The following JAG2 variants were observed in gnomAD, a reference collection of about 807,000 sequenced individuals.
JAG2 encodes protein jagged-2.
A neutral mutation model predicts 141.7 loss-of-function variants in JAG2; 46 were observed. The observed-to-expected ratio is 0.32, with a 90% CI of 0.26 to 0.42. The LOEUF (loss-of-function observed/expected upper bound fraction) is 0.42. Ranked by LOEUF, JAG2 falls within the 10% of genes least tolerant of loss-of-function variation. JAG2 has a pLI of 1.00. For missense variants in JAG2, 1,500 were observed against 1,817.5 expected, an observed-to-expected ratio of 0.83 and a Z score of 3.18; for synonymous variants, 862 against 763.5, an observed-to-expected ratio of 1.13 and a Z score of -2.13.
chr14:105,148,085 G>T (rs587597553), intron 17 of JAG2, 31 bp downstream of exon 17: 9 of 1,508,744 alleles, frequency 6.0e-6, no homozygotes, highest in Non-Finnish European at 8.1e-6. Context: ...GCATATGCCC[G>T]GCGGTCGCAG....
At chr14:105,145,467 T>C (rs2140971189) in intron 23 of JAG2, among the ~76,000 whole-genome samples, 1 of 152,286 alleles carries the variant, frequency 6.6e-6, no homozygotes, top group Middle Eastern at 3.4e-3. Context: ...CAGGCAGCCA[T>C]GGCGCCGTCA....
In JAG2 at chr14:105,168,383, A is replaced by AGCCGCCGGGGAAGGC. The variant is rs1555371863; in HGVS notation, c.23_37dup (p.Arg8_Arg12dup). The AGCCGCCGGGGAAGGC allele has an allele frequency of 9.8e-6, 10 of 1,019,328 alleles. No individual in the cohort carries two copies. The East Asian group carries it at 9.6e-4, about 98-fold the overall frequency. The allele number at this position is 1,019,328 out of a possible 1,614,324, so 63.1% of individuals were successfully genotyped here. On this transcript the variant is annotated inframe_insertion, in exon 1 of 26. Coordinates refer to ENST00000331782, the MANE Select transcript of JAG2 (RefSeq NM_002226.5). Reference sequence around the variant, plus strand: ...CACCCAGAGCGCCAGCAGCAGCAGCAGCCGCCGGGGAAGGCGCCCCCGGCC... The same window carrying AGCCGCCGGGGAAGGC: ...CACCCAGAGCGCCAGCAGCAGCAGCAGCCGCCGGGGAAGGCGCCGCCGGGGAAGGCGCCCCCGGCC...
intron 25 of JAG2, 139 bp downstream of exon 25, chr14:105,143,343 G>T (rs1162079051): frequency 2.3e-6 from 3 of 1,282,994 alleles, no homozygotes; most frequent in Non-Finnish European, 2.2e-6. Context: ...AGGTTGTGGG[G>T]CTGGGCGGCT....
intron 3 of JAG2, 26 bp from the exon 4 acceptor site, chr14:105,156,015 A>C (rs1329344197): frequency 1.3e-6 from 2 of 1,596,968 alleles, no homozygotes; most frequent in Non-Finnish European, 1.7e-6. Context: ...GAGTCAGCAC[A>C]GGCCAGAGAA....
Position 105,157,623 on chromosome 14 carries a change from T to C in JAG2, c.475+83A>G, listed in dbSNP as rs1316378792. 30 of 1,270,094 alleles carry C rather than the reference T, an allele frequency of 2.4e-5. No homozygotes were observed. In the South Asian group the frequency reaches 3.4e-4, roughly 15 times the overall value. The allele number at this position is 1,270,094 out of a possible 1,614,324, so 78.7% of individuals were successfully genotyped here. A position where few individuals can be genotyped will look rare whatever the true frequency, so the allele number is the denominator to read the frequency against. ...ATCCTCAGGGTAAAGCAAGGCTTTG[T>C]CCCAAGCAGACAGAGGAGCTGGGCC... On this transcript the variant is annotated intron_variant, in intron 3 of 25. Coordinates refer to ENST00000331782, the MANE Select transcript of JAG2 (RefSeq NM_002226.5).
Position 105,151,297 on chromosome 14 carries a change from GC to G in JAG2, c.1252del (p.Ala418ProfsTer24). On this transcript the variant is annotated frameshift_variant, in exon 9 of 26. Transcript: ENST00000331782. LOFTEE classifies it high-confidence loss of function. ...GGAGCCCTTACCCAGCTGGCAGGTG[GC>G]CCCCACCCACTGCTCGGGGCAGATG... ...ECICPEQWVG[A>X]TCQLDANECE... 6.2e-7 allele frequency: 1 copy of G among 1,612,310 alleles called. No individual in the cohort carries two copies.
chr14:105,149,135 C>A, intron 13 of JAG2, 35 bp downstream of exon 13: 1 of 1,533,894 alleles, frequency 6.5e-7, no homozygotes, highest in Non-Finnish European at 8.9e-7. Context: ...CCCTGCCCCA[C>A]CACCTCCCCC....
intron 2 of JAG2, among the ~76,000 whole-genome samples, chr14:105,164,933 C>T (rs1205578115): frequency 1.3e-5 from 2 of 152,186 alleles, no homozygotes; most frequent in Non-Finnish European, 2.9e-5. Flanking sequence ...GCCCCAGGCC[C>T]ACCTCCTGTA....
Position 105,148,725 on chromosome 14 carries a change from G to A in JAG2, c.2020+20C>T. 1 of 1,541,572 alleles carries A rather than the reference G, an allele frequency of 6.5e-7. No homozygotes were observed. Among genetic ancestry groups the A allele is most frequent in the South Asian group, 1.2e-5 (1 of 84,244 alleles). On this transcript the variant is annotated intron_variant, in intron 15 of 25. Transcript: ENST00000331782. ...AGGGGTGGAGGCACAGGCCGTGTGG[G>A]CGGGTGCTGGAACACTCACTGGTGT...
chr14:105,150,929 G>C lies in JAG2; in HGVS notation c.1382-18C>G. ...GTTGACGTCTGGGGGCAGAGGAGCA[G>C]GGTCAGAGGCGGGGTCCCATGTGCC... is the stretch of plus-strand genomic sequence containing the variant. On this transcript the variant is annotated intron_variant, in intron 10 of 25. Coordinates refer to ENST00000331782, the MANE Select transcript of JAG2 (RefSeq NM_002226.5). The C allele has an allele frequency of 6.3e-7, 1 of 1,597,632 alleles. No homozygotes were observed. The highest frequency in any genetic ancestry group is 8.5e-7 in the Non-Finnish European group (1 of 1,172,624).
At chr14:105,155,480 T>C (rs1888551461) in intron 5 of JAG2, 82 bp downstream of exon 5, 1 of 1,524,572 alleles carries the variant, frequency 6.6e-7, no homozygotes, top group African/African-American at 1.4e-5. Flanking sequence ...TCCGGGCGAC[T>C]CCTGACAGCA....
rs587645520 is a variant in JAG2 at position 105,145,015 on chromosome 14, G to A, written c.2999C>T (p.Ala1000Val). 2 of 1,609,910 alleles carry A rather than the reference G, an allele frequency of 1.2e-6. No homozygotes were observed. The highest frequency in any genetic ancestry group is 1.3e-5 in the African/African-American group (1 of 75,058). The change falls in exon 24 of 26, where the codon GCC (alanine) becomes GTC (valine). Residue 1000 changes from alanine to valine, a missense_variant. By Grantham distance (64) the Ala-to-Val change is moderately conservative (BLOSUM62 0). Transcript: ENST00000331782. ...GCGGTCCCGTGCCACAGCCCTTGTG[G>A]CTGGCAGGGAGCGGATCCCGGAGCA... ...AICSGIRSLP[A>V]TRAVARDRLL...
chr14:105,162,707 C>T (rs982028794), intron 2 of JAG2, among the ~76,000 whole-genome samples: 3 of 37,290 alleles, frequency 8.0e-5, no homozygotes, highest in Non-Finnish European at 1.3e-4. Flanking sequence ...TACAGAGTAC[C>T]CTCCTGCCCA....
chr14:105,168,195 C>CCCCGCCCCCACCCAGCCGCG, intron 1 of JAG2, 88 bp from the exon 2 acceptor site: 1 of 1,156,138 alleles, frequency 8.6e-7, no homozygotes, highest in Non-Finnish European at 1.1e-6. Flanking sequence ...GGCCCCGCCG[C>CCCCGCCCCCACCCAGCCGCG]CCCGCCCCCA....
At chr14:105,143,306 G>T in intron 25 of JAG2, 136 bp from the exon 26 acceptor site, 2 of 1,308,712 alleles carry the variant, frequency 1.5e-6, no homozygotes, top group Non-Finnish European at 2.1e-6. Flanking sequence ...TCGTGGGGAG[G>T]GTCCCAGGAC....
At chr14:105,162,873 T>C (rs587719330) in intron 2 of JAG2, among the ~76,000 whole-genome samples, 1 of 151,018 alleles carries the variant, frequency 6.6e-6, no homozygotes, top group East Asian at 2.0e-4. Context: ...CCCAGGGTAC[T>C]CCAAATGCCA....
Position 105,167,553 on chromosome 14 carries a change from G to A in JAG2, c.417+204C>T, listed in dbSNP as rs1161164930. Among the ~76,000 whole-genome samples, 1 of 146,868 alleles carries A rather than the reference G, an allele frequency of 6.8e-6. No homozygotes were observed. Among genetic ancestry groups the A allele is most frequent in the Non-Finnish European group, 1.5e-5 (1 of 66,012 alleles). The stretch of plus-strand genomic sequence containing the variant: ...CCGCCCCCGCCGCGACCCCGCTCCC[G>A]GTGGCCCCGGGGCCCCGGCGCGCCC... On this transcript the variant is annotated intron_variant, in intron 2 of 25. Coordinates refer to ENST00000331782, the MANE Select transcript of JAG2 (RefSeq NM_002226.5). This position sits in a 1 kb window ranked among gnomAD's most constrained non-coding sequence, Gnocchi z 4.8.
At chr14:105,159,575 G>A (rs1338277731) in intron 2 of JAG2, among the ~76,000 whole-genome samples, 1 of 99,024 alleles carries the variant, frequency 1.0e-5, no homozygotes, top group Non-Finnish European at 2.1e-5. Context: ...CCCCCGCCGA[G>A]CTCTGTTTAC....
intron 24 of JAG2, 120 bp from the exon 25 acceptor site, chr14:105,143,758 C>A: frequency 8.0e-7 from 1 of 1,253,948 alleles, no homozygotes. Context: ...GACGAGAGCC[C>A]GGGGTCCTGC....
Sources: gnomAD v4.1 joint callset for allele counts (sites outside exome capture counted in the v4.1 genomes callset) on GRCh38, gnomAD v4.1.1 for gene constraint, Gnocchi (gnomAD v3.1) non-coding constraint, MANE v1.5 for transcripts, NCBI Gene and HGNC (gene_info 2026-07-23, HGNC 2026-07-21) for gene names.